Variants in MAPK10 observed in about 807,000 individuals in gnomAD.
MAPK10 encodes the protein JNK3 alpha protein kinase.
In MAPK10, 25 loss-of-function variants were observed where a neutral mutation model predicts 59.3. The observed-to-expected ratio is 0.42, with a 90% confidence interval of 0.31 to 0.59. MAPK10 has a LOEUF of 0.59. Ranked by LOEUF, MAPK10 falls within the 20% of genes least tolerant of loss-of-function variation. The pLI is 0.15. For missense variants in MAPK10, 351 were observed against 568.9 expected (o/e 0.62, Z 3.90); for synonymous variants, 190 against 200.5 (o/e 0.95, Z 0.44).
At chr4:86,421,284 T>C (rs1026657781) in intron 1 of MAPK10, among the ~76,000 whole-genome samples, 4 of 152,122 alleles carry the variant, frequency 2.6e-5, no homozygotes, top group African/African-American at 9.7e-5. Context: ...ATTATATTGC[T>C]TTGGATTAGT....
At chr4:86,205,161 T>C (rs1156999523) in intron 2 of MAPK10, among the ~76,000 whole-genome samples, 1 of 151,830 alleles carries the variant, frequency 6.6e-6, no homozygotes, top group Non-Finnish European at 1.5e-5. Context: ...CCCTACCACA[T>C]AAAAAAATAT....
At chr4:86,588,957 A>G (rs1045799792) in intron 1 of MAPK10, among the ~76,000 whole-genome samples, 2 of 152,158 alleles carry the variant, frequency 1.3e-5, no homozygotes, top group African/African-American at 4.8e-5. Flanking sequence ...ATCCTAGAAC[A>G]TACAGGAATT....
chr4:86,544,881 C>CTT (rs57179485), intron 1 of MAPK10, among the ~76,000 whole-genome samples: 14 of 139,236 alleles, frequency 1.0e-4, no homozygotes, highest in African/African-American at 3.2e-4. Flanking sequence ...AGGTTTTTTT[C>CTT]TTTTTTTTTT....
At chr4:86,390,693 G>A (rs1013710839) in intron 1 of MAPK10, among the ~76,000 whole-genome samples, 1 of 152,180 alleles carries the variant, frequency 6.6e-6, no homozygotes. Flanking sequence ...GGGTACAAGA[G>A]AGAGGGAACC....
intron 1 of MAPK10, among the ~76,000 whole-genome samples, chr4:86,429,027 T>C (rs758461593): frequency 1.3e-5 from 2 of 152,236 alleles, no homozygotes; most frequent in African/African-American, 4.8e-5. Flanking sequence ...AGAATCGCTA[T>C]ATGTGAATAA....
intron 3 of MAPK10, among the ~76,000 whole-genome samples, chr4:86,184,516 G>A (rs901991901): frequency 2.0e-5 from 3 of 152,192 alleles, no homozygotes; most frequent in Non-Finnish European, 4.4e-5. Context: ...GATATGGTTT[G>A]GATATTTGTC....
chr4:86,126,835 ATT>A (rs146161846), intron 4 of MAPK10, among the ~76,000 whole-genome samples: 5,567 of 152,002 alleles, frequency 0.037, 252 homozygotes, highest in African/African-American at 0.11. Flanking sequence ...TTGGGAAGTT[ATT>A]TTTGTTTTCC....
chr4:86,022,537 C>T (rs900751325), intron 13 of MAPK10, among the ~76,000 whole-genome samples: 1 of 151,910 alleles, frequency 6.6e-6, no homozygotes, highest in African/African-American at 2.4e-5. Context: ...AGGACAGGGT[C>T]TCAGTCGCCC....
At chr4:86,479,174 C>T (rs370115282) in intron 1 of MAPK10, among the ~76,000 whole-genome samples, 2 of 152,126 alleles carry the variant, frequency 1.3e-5, no homozygotes, top group Non-Finnish European at 2.9e-5. Flanking sequence ...CTCGGTTTGG[C>T]CTTCCCACCT....
chr4:86,381,527 G>C (rs1003841100), intron 1 of MAPK10, among the ~76,000 whole-genome samples: 26 of 152,104 alleles, frequency 1.7e-4, no homozygotes, highest in Admixed American at 7.2e-4. Flanking sequence ...CTCTCAACTG[G>C]CTTCAGCCAA....
At chr4:86,482,723 A>G (rs1439460825) in intron 1 of MAPK10, among the ~76,000 whole-genome samples, 2 of 152,176 alleles carry the variant, frequency 1.3e-5, no homozygotes, top group African/African-American at 4.8e-5. Context: ...CTCACCATTA[A>G]AACTGTTCAT....
chr4:86,311,874 T>C (rs1368379543), intron 2 of MAPK10, among the ~76,000 whole-genome samples: 3 of 152,084 alleles, frequency 2.0e-5, no homozygotes, highest in Non-Finnish European at 4.4e-5. Context: ...TCGATCAGAC[T>C]CTATCTCTCG....
At chr4:86,382,744 T>C (rs1050119300) in intron 1 of MAPK10, among the ~76,000 whole-genome samples, 1 of 152,212 alleles carries the variant, frequency 6.6e-6, no homozygotes, top group Non-Finnish European at 1.5e-5. Context: ...CACATTCCTG[T>C]CATGGTGATT....
chr4:86,560,064 A>T (rs935951011), intron 1 of MAPK10, among the ~76,000 whole-genome samples: 6 of 152,214 alleles, frequency 3.9e-5, no homozygotes, highest in Non-Finnish European at 7.3e-5. Flanking sequence ...AATAAAATAA[A>T]AATAGAATAT....
intron 3 of MAPK10, among the ~76,000 whole-genome samples, chr4:86,170,253 GAC>G: frequency 6.6e-6 from 1 of 152,192 alleles, no homozygotes; most frequent in Non-Finnish European, 1.5e-5. Flanking sequence ...CCAATTAAAA[GAC>G]ACAGACTGGC....
chr4:86,358,245 A>G (rs547679575), intron 1 of MAPK10: 43 of 985,410 alleles, frequency 4.4e-5, no homozygotes, highest in Middle Eastern at 1.0e-3. Context: ...TCTGAGAGAA[A>G]TGGTCCTTAC....
chr4:86,537,160 T>C (rs781704616), intron 1 of MAPK10, among the ~76,000 whole-genome samples: 42 of 152,090 alleles, frequency 2.8e-4, no homozygotes, highest in Non-Finnish European at 5.9e-5. Context: ...TATAAAGAAG[T>C]CTTTGTTGTG....
intron 1 of MAPK10, among the ~76,000 whole-genome samples, chr4:86,438,964 C>T (rs1346571192): frequency 6.6e-6 from 1 of 152,196 alleles, no homozygotes; most frequent in Non-Finnish European, 1.5e-5. Flanking sequence ...TTCAAGCCAG[C>T]AGCTGGGCCC....
intron 3 of MAPK10, among the ~76,000 whole-genome samples, chr4:86,169,608 T>G (rs575664441): frequency 0.082 from 12,402 of 151,416 alleles, 1,123 homozygotes; most frequent in African/African-American, 0.23. Flanking sequence ...TGAAAGTGAC[T>G]GGGAGAATGG....
Sources: allele counts gnomAD v4.1 joint callset (sites outside exome capture counted in the v4.1 genomes callset), GRCh38; gene constraint gnomAD v4.1.1; transcripts MANE v1.5; gene names NCBI Gene and HGNC (gene_info 2026-07-23, HGNC 2026-07-21).